TMEM218: variants seen among roughly 807,000 people sequenced by gnomAD.
TMEM218 encodes transmembrane protein 218.
Under a neutral mutation model 10.0 loss-of-function variants are expected in TMEM218, and 8 were observed. That is an observed-to-expected ratio of 0.80 (90% CI 0.47 to 1.44). TMEM218 has a LOEUF of 1.44. Ranked by LOEUF, TMEM218 falls within the 40% of genes most tolerant of loss-of-function variation. TMEM218 has a pLI of 0.00. For synonymous variants in TMEM218, 66 were observed against 63.5 expected (o/e 1.04, Z -0.18); for missense variants, 110 against 140.1 (o/e 0.79, Z 1.08).
intron 1 of TMEM218, among the ~76,000 whole-genome samples, chr11:125,105,654 T>G (rs1565433533): frequency 6.6e-6 from 1 of 152,098 alleles, no homozygotes; most frequent in Non-Finnish European, 1.5e-5. Flanking sequence ...TCTACAGTGA[T>G]TTTGTTTTGG....
At position 125,096,341 on chromosome 11, in the gene TMEM218, G is replaced by A. The variant is rs1949647872; in HGVS notation, c.*1265C>T. Among the ~76,000 whole-genome samples, 1 of 152,094 alleles carries A rather than the reference G, an allele frequency of 6.6e-6. No individual in the cohort carries two copies. Among genetic ancestry groups the A allele is most frequent in the African/African-American group, 2.4e-5 (1 of 41,388 alleles). On this transcript the variant is annotated 3_prime_UTR_variant, in exon 5 of 5. Transcript: ENST00000682305. ...AGGAGAGAAAGTGAAGGAACAGTGTGGCCTTAACCTACCTGAAGCTCTCAA... is the reference window on the plus strand; with the variant it reads ...AGGAGAGAAAGTGAAGGAACAGTGTAGCCTTAACCTACCTGAAGCTCTCAA...
At chr11:125,101,607 A>G in intron 3 of TMEM218, 1 of 841,846 alleles carries the variant, frequency 1.2e-6, no homozygotes, top group South Asian at 1.9e-5. Context: ...CTCCACCTCC[A>G]CTTCTGTTGT....
chr11:125,110,613 C>T (rs1953600223), intron 1 of TMEM218: 1 of 152,140 alleles, frequency 6.6e-6, no homozygotes. Flanking sequence ...ATACTAACTG[C>T]CATTATAAGA....
Position 125,105,670 on chromosome 11 carries a change from G to T in TMEM218, c.-152-2861C>A, listed in dbSNP as rs527726509. On this transcript the variant is annotated intron_variant, in intron 1 of 4. Coordinates refer to ENST00000682305, the MANE Select transcript of TMEM218 (RefSeq NM_001258244.2). ...CTACAGTGATTTTGTTTTGGAGGAG[G>T]TATATGTTTTTTAAGCTAAGTACAC... is the stretch of plus-strand genomic sequence containing the variant. Among the ~76,000 whole-genome samples, 6 of 152,028 alleles carry T rather than the reference G, an allele frequency of 3.9e-5. No individual in the cohort carries two copies. The South Asian group carries it at 1.2e-3, about 32-fold the overall frequency.
chr11:125,111,595 C>T lies in TMEM218; in HGVS notation c.-209G>A, dbSNP rs1461521163. The T allele has an allele frequency of 6.6e-6, 1 of 152,526 alleles. No individual in the cohort carries two copies. Among genetic ancestry groups the T allele is most frequent in the Non-Finnish European group, 1.5e-5 (1 of 68,262 alleles). 9.4% of individuals were successfully genotyped at this position (152,526 alleles called of 1,614,324 possible). ...CCAGGCTCTACTCACACCTCAGATT[C>T]CGGCGCGTTCCAGCCCACGGGGCTC... On this transcript the variant is annotated 5_prime_UTR_variant, in exon 1 of 5. Transcript: ENST00000682305.
intron 3 of TMEM218, 67 bp downstream of exon 3, chr11:125,102,065 A>G (rs1037041989): frequency 3.5e-6 from 5 of 1,447,628 alleles, no homozygotes; most frequent in Non-Finnish European, 4.6e-6. Context: ...CTAAATGTTT[A>G]GTGAGCATCA....
At chr11:125,106,641 A>G (rs111233523) in intron 1 of TMEM218, among the ~76,000 whole-genome samples, 1 of 152,252 alleles carries the variant, frequency 6.6e-6, no homozygotes, top group African/African-American at 2.4e-5. Flanking sequence ...CAGTGCCTTC[A>G]TATACCCACC....
At chr11:125,101,743 C>T (rs1344107620) in intron 3 of TMEM218, 2 of 500,748 alleles carry the variant, frequency 4.0e-6, no homozygotes, top group African/African-American at 3.9e-5. Context: ...AAGGCAATGC[C>T]TGATATAGAA....
intron 1 of TMEM218, among the ~76,000 whole-genome samples, chr11:125,106,864 CA>C (rs1170005335): frequency 3.3e-5 from 5 of 151,746 alleles, no homozygotes; most frequent in East Asian, 1.9e-4. Flanking sequence ...CACCTAAATT[CA>C]AAAAAAAGAC....
At chr11:125,101,136 G>T in intron 4 of TMEM218, 65 bp downstream of exon 4, 1 of 1,340,612 alleles carries the variant, frequency 7.5e-7, no homozygotes. Flanking sequence ...AGGGCAGGAC[G>T]GATGTGCAGA....
chr11:125,097,487 A>C lies in TMEM218; in HGVS notation c.*119T>G, dbSNP rs1240228514. 5.2e-6 allele frequency: 6 copies of C among 1,144,034 alleles called. No homozygotes were observed. Among genetic ancestry groups the C allele is most frequent in the Middle Eastern group, 2.1e-4 (1 of 4,688 alleles). The allele number at this position is 1,144,034 out of a possible 1,614,324, so 70.9% of individuals were successfully genotyped here. ...AGAGATTTGTCTTAGTGATGGACAG[A>C]TACTCCTCTAACCTTAAGGCATGAG... is the stretch of plus-strand genomic sequence containing the variant. On this transcript the variant is annotated 3_prime_UTR_variant, in exon 5 of 5. Coordinates refer to ENST00000682305, the MANE Select transcript of TMEM218 (RefSeq NM_001258244.2).
rs534080797 is a variant in TMEM218, at chr11:125,104,335, T to A, written c.-152-1526A>T. The A allele has an allele frequency of 2.0e-5, 3 of 152,346 alleles. No homozygotes were observed. The East Asian group carries it at 5.8e-4, about 29-fold the overall frequency. The allele number at this position is 152,346 out of a possible 1,614,324, so 9.4% of individuals were successfully genotyped here. A position where few individuals can be genotyped will look rare whatever the true frequency, so the allele number is the denominator to read the frequency against. On this transcript the variant is annotated intron_variant, in intron 1 of 4. Transcript: ENST00000682305. ...TCTCTGGGTCTTTGTACTTGCTGTT[T>A]CCACTGCCTGGAACTAGCCCTCAAC... is the stretch of plus-strand genomic sequence containing the variant.
Position 125,108,782 on chromosome 11 carries a change from G to C in TMEM218, c.-153+2757C>G, listed in dbSNP as rs117675285. Among the ~76,000 whole-genome samples, 1,910 of 152,320 alleles carry C rather than the reference G, an allele frequency of 0.013. 23 individuals carry two copies. The highest frequency in any genetic ancestry group is 0.021 in the Non-Finnish European group (1,430 of 68,020). On this transcript the variant is annotated intron_variant, in intron 1 of 4. Transcript: ENST00000682305. This position sits in a 1 kb window ranked among gnomAD's most constrained non-coding sequence, Gnocchi z 5.3. The stretch of plus-strand genomic sequence containing the variant: ...AAACCGGAGTTAGGCTCTACACTCA[G>C]ATAATTATAAATGAGTATCCTGTGG...
intron 2 of TMEM218, 144 bp downstream of exon 2, chr11:125,102,590 C>T (rs1306144909): frequency 1.5e-6 from 2 of 1,326,258 alleles, no homozygotes; most frequent in Admixed American, 4.5e-5. Context: ...ACCTCTTCCC[C>T]CAGCCCACGG....
rs889010879 is a variant in TMEM218 at position 125,108,197 on chromosome 11, A to G, written c.-153+3342T>C. On this transcript the variant is annotated intron_variant, in intron 1 of 4. Coordinates refer to ENST00000682305, the MANE Select transcript of TMEM218 (RefSeq NM_001258244.2). This position sits in a 1 kb window ranked among gnomAD's most constrained non-coding sequence, Gnocchi z 5.3. ...ATTGAAAAACCAAAGTAATTAAAACAGTGTGATAGTGGCACAAAGACACAT... is the reference window on the plus strand; with the variant it reads ...ATTGAAAAACCAAAGTAATTAAAACGGTGTGATAGTGGCACAAAGACACAT... Among the ~76,000 whole-genome samples the G allele has an allele frequency of 6.6e-6, 1 of 152,204 alleles. No individual in the cohort carries two copies. Among genetic ancestry groups the G allele is most frequent in the African/African-American group, 2.4e-5 (1 of 41,454 alleles).
intron 1 of TMEM218, among the ~76,000 whole-genome samples, chr11:125,109,195 A>AATGTTGAGTGTCAAAAACG (rs1274760245): frequency 6.6e-6 from 1 of 152,208 alleles, no homozygotes; most frequent in Non-Finnish European, 1.5e-5. Context: ...TCTCAAAAAC[A>AATGTTGAGTGTCAAAAACG]ATGTTGAGTG....
chr11:125,095,163 C>T lies in TMEM218; in HGVS notation c.*2443G>A, dbSNP rs367831471. Among the ~76,000 whole-genome samples the T allele has an allele frequency of 5.9e-5, 9 of 152,298 alleles. No individual in the cohort carries two copies. Among genetic ancestry groups the T allele is most frequent in the East Asian group, 3.9e-4 (2 of 5,188 alleles). On this transcript the variant is annotated 3_prime_UTR_variant, in exon 5 of 5. Coordinates refer to ENST00000682305, the MANE Select transcript of TMEM218 (RefSeq NM_001258244.2). ...GTCAGGATACAATTTTAAGACGCCA[C>T]GAAATAACCTATTTTCTTATATAGA...
intron 1 of TMEM218, among the ~76,000 whole-genome samples, chr11:125,109,872 G>A (rs1261090232): frequency 1.3e-5 from 2 of 152,262 alleles, no homozygotes; most frequent in Non-Finnish European, 2.9e-5. Context: ...AATGGTAGTT[G>A]AAGCTGGCTG....
chr11:125,096,395 T>C lies in TMEM218; in HGVS notation c.*1211A>G, dbSNP rs1467866937. ...GAGTTCCACAAACCCTAGTGTGTTTTCTCTCTGAGACAAGCCCTGGGGCCT... is the reference window on the plus strand; with the variant it reads ...GAGTTCCACAAACCCTAGTGTGTTTCCTCTCTGAGACAAGCCCTGGGGCCT... On this transcript the variant is annotated 3_prime_UTR_variant, in exon 5 of 5. Coordinates refer to ENST00000682305, the MANE Select transcript of TMEM218 (RefSeq NM_001258244.2). 2.0e-5 allele frequency: 3 copies of C among 152,206 alleles called. No homozygotes were observed. The highest frequency in any genetic ancestry group is 4.8e-5 in the African/African-American group (2 of 41,434). The allele number at this position is 152,206 out of a possible 1,614,324, so 9.4% of individuals were successfully genotyped here.
Sources: allele counts gnomAD v4.1 joint callset (sites outside exome capture counted in the v4.1 genomes callset), GRCh38; gene constraint gnomAD v4.1.1; non-coding constraint Gnocchi (gnomAD v3.1); transcripts MANE v1.5; gene names NCBI Gene and HGNC (gene_info 2026-07-23, HGNC 2026-07-21).